Variants in PSAP observed in about 807,000 individuals in gnomAD.
PSAP encodes prosaposin.
PSAP carries 25 observed loss-of-function variants against 66.0 expected under a neutral mutation model. That is an observed-to-expected ratio of 0.38 (90% CI 0.28 to 0.53). The LOEUF is 0.53. Ranked by LOEUF, PSAP falls within the 20% of genes least tolerant of loss-of-function variation. The pLI is 0.83. For missense variants in PSAP, 649 were observed against 668.8 expected (o/e 0.97, Z 0.33); for synonymous variants, 273 against 258.9 (o/e 1.05, Z -0.52).
At chr10:71,833,205 T>C (rs1428484017) in intron 2 of PSAP, among the ~76,000 whole-genome samples, 1 of 152,138 alleles carries the variant, frequency 6.6e-6, no homozygotes, top group African/African-American at 2.4e-5. Context: ...AGCCCACGCC[T>C]GTAATCACAG....
intron 7 of PSAP, among the ~76,000 whole-genome samples, chr10:71,823,397 T>C (rs963893690): frequency 1.3e-5 from 2 of 152,236 alleles, no homozygotes; most frequent in Non-Finnish European, 2.9e-5. Flanking sequence ...CTGCTGGCTG[T>C]CTGCAAATGT....
intron 7 of PSAP, 76 bp downstream of exon 7, chr10:71,825,761 A>AT (rs1454816267): frequency 2.1e-6 from 3 of 1,397,536 alleles, no homozygotes; most frequent in Non-Finnish European, 3.0e-6. Flanking sequence ...AAACCATATA[A>AT]TTTTCAAAAT....
intron 7 of PSAP, 196 bp from the exon 8 acceptor site, chr10:71,822,203 A>G: frequency 1.5e-6 from 1 of 683,740 alleles, no homozygotes; most frequent in Non-Finnish European, 2.6e-6. Flanking sequence ...CATATGTGCC[A>G]GTTACATCTC....
intron 1 of PSAP, among the ~76,000 whole-genome samples, chr10:71,850,588 C>T (rs1406777840): frequency 6.6e-6 from 1 of 152,224 alleles, no homozygotes; most frequent in Non-Finnish European, 1.5e-5. Context: ...GGCTGTGTCA[C>T]GGGCCATGGT....
intron 4 of PSAP, among the ~76,000 whole-genome samples, chr10:71,829,692 T>A (rs924717800): frequency 1.1e-4 from 16 of 152,112 alleles, no homozygotes; most frequent in African/African-American, 3.4e-4. Context: ...CTCTTTCCCC[T>A]CAGCTCTTCT....
intron 2 of PSAP, among the ~76,000 whole-genome samples, chr10:71,833,028 AAAAC>A (rs1441897285): frequency 0.027 from 3,594 of 132,078 alleles, 246 homozygotes; most frequent in African/African-American, 0.11. Context: ...AAAAAAAAAA[AAAAC>A]AAAAAACAAA....
chr10:71,846,561 C>G (rs749650715), intron 1 of PSAP, among the ~76,000 whole-genome samples: 93 of 151,622 alleles, frequency 6.1e-4, no homozygotes, highest in Non-Finnish European at 1.1e-3. Context: ...CCTTTCTCTA[C>G]TAAAAATACA....
At position 71,834,340 on chromosome 10, in the gene PSAP, T is replaced by C. The variant is rs368412216; in HGVS notation, c.174+32A>G. 2.5e-6 allele frequency: 4 copies of C among 1,612,562 alleles called. No individual in the cohort carries two copies. In the South Asian group the frequency reaches 3.3e-5, roughly 13 times the overall value. ...TTCTAAGGGGACCCAAGAGGAGTGCTGCGGCTGGGACTGGAGGGCAGCGGC... is the reference window on the plus strand; with the variant it reads ...TTCTAAGGGGACCCAAGAGGAGTGCCGCGGCTGGGACTGGAGGGCAGCGGC... On this transcript the variant is annotated intron_variant, in intron 2 of 13. Transcript: ENST00000394936.
chr10:71,840,156 CT>C (rs1232834793), intron 1 of PSAP, among the ~76,000 whole-genome samples: 12 of 151,644 alleles, frequency 7.9e-5, no homozygotes, highest in Non-Finnish European at 1.8e-4. Context: ...TAGTAACATG[CT>C]AAGTACAATT....
chr10:71,830,205 C>T, intron 4 of PSAP, among the ~76,000 whole-genome samples: 1 of 152,176 alleles, frequency 6.6e-6, no homozygotes, highest in East Asian at 1.9e-4. Context: ...TCCTGCCCAA[C>T]TAGCTCCATT....
intron 1 of PSAP, among the ~76,000 whole-genome samples, chr10:71,835,248 A>T (rs554373783): frequency 7.1e-6 from 1 of 141,256 alleles, no homozygotes; most frequent in Admixed American, 7.0e-5. Flanking sequence ...ATAAATAAAT[A>T]AAATAAAAAT....
chr10:71,826,692 G>T (rs1181108788), intron 6 of PSAP, among the ~76,000 whole-genome samples: 1 of 151,160 alleles, frequency 6.6e-6, no homozygotes, highest in Non-Finnish European at 1.5e-5. Context: ...AGTGAGCTAT[G>T]ATTGTGCCAC....
chr10:71,828,748 A>C, intron 5 of PSAP, 129 bp downstream of exon 5: 1 of 927,072 alleles, frequency 1.1e-6, no homozygotes, highest in Admixed American at 2.5e-5. Flanking sequence ...AGGCTGGCTC[A>C]TGTGACTGCA....
intron 1 of PSAP, among the ~76,000 whole-genome samples, chr10:71,850,048 T>C (rs1220354143): frequency 8.3e-6 from 1 of 120,450 alleles, no homozygotes; most frequent in Non-Finnish European, 1.9e-5. Context: ...TAACATTTTA[T>C]AAGACAAGGA....
intron 1 of PSAP, among the ~76,000 whole-genome samples, chr10:71,839,429 A>G (rs11000026): frequency 0.77 from 117,328 of 151,808 alleles, 45,476 homozygotes; most frequent in South Asian, 0.81. Context: ...TAGTAGAGAC[A>G]GGGTTTTGCC....
intron 9 of PSAP, 141 bp from the exon 10 acceptor site, chr10:71,820,041 C>G: frequency 5.4e-6 from 5 of 934,488 alleles, no homozygotes; most frequent in Non-Finnish European, 8.4e-6. Context: ...AACTACAAAG[C>G]AGGGCAATGG....
At chr10:71,817,603 G>T (rs916770461) in intron 13 of PSAP, 127 bp from the exon 14 acceptor site, 1 of 887,048 alleles carries the variant, frequency 1.1e-6, no homozygotes, top group African/African-American at 1.6e-5. Flanking sequence ...GATGGCACCA[G>T]ATGCTGAAGA....
intron 2 of PSAP, among the ~76,000 whole-genome samples, chr10:71,833,935 G>A (rs549719658): frequency 6.6e-6 from 1 of 152,338 alleles, no homozygotes; most frequent in African/African-American, 2.4e-5. Flanking sequence ...CAGGCAGAAA[G>A]TACCTGAAAA....
At chr10:71,849,264 A>T (rs1842879830) in intron 1 of PSAP, among the ~76,000 whole-genome samples, 1 of 152,250 alleles carries the variant, frequency 6.6e-6, no homozygotes, top group African/African-American at 2.4e-5. Flanking sequence ...CAAGTAAAAC[A>T]AATTTAAGAG....
Sources: gnomAD v4.1 joint callset for allele counts (sites outside exome capture counted in the v4.1 genomes callset) on GRCh38, gnomAD v4.1.1 for gene constraint, MANE v1.5 for transcripts, NCBI Gene and HGNC (gene_info 2026-07-23, HGNC 2026-07-21) for gene names.